The following CAMK2D variants were observed in gnomAD, a reference collection of about 807,000 sequenced individuals.
CAMK2D encodes the protein calcium/calmodulin-dependent protein kinase type II subunit delta.
CAMK2D carries 37 observed loss-of-function variants against 84.0 expected under a neutral mutation model. The observed-to-expected ratio is 0.44, with a 90% CI of 0.34 to 0.58. The LOEUF (loss-of-function observed/expected upper bound fraction) is 0.58, where lower values mean the gene tolerates loss of function less well. Ranked by LOEUF, CAMK2D falls within the 20% of genes least tolerant of loss-of-function variation. CAMK2D has a pLI of 0.02. For synonymous variants in CAMK2D, 202 were observed against 212.5 expected, an observed-to-expected ratio of 0.95 and a Z score of 0.43; for missense variants, 448 against 652.5, an observed-to-expected ratio of 0.69 and a Z score of 3.41.
At chr4:113,760,502 T>C (rs963137382) in intron 1 of CAMK2D, among the ~76,000 whole-genome samples, 1 of 152,174 alleles carries the variant, frequency 6.6e-6, no homozygotes, top group Non-Finnish European at 1.5e-5. Flanking sequence ...CTATGCCAAG[T>C]TGAACTTTCG....
intron 3 of CAMK2D, among the ~76,000 whole-genome samples, chr4:113,630,292 G>A (rs1010290791): frequency 1.3e-5 from 2 of 152,092 alleles, no homozygotes; most frequent in African/African-American, 2.4e-5. Flanking sequence ...GCATGTTTAT[G>A]GCTAGTTTTC....
intron 18 of CAMK2D, among the ~76,000 whole-genome samples, chr4:113,459,250 G>A (rs1253368876): frequency 6.6e-6 from 1 of 151,904 alleles, no homozygotes; most frequent in Admixed American, 6.6e-5. Flanking sequence ...ACAGGGTCTC[G>A]TTCTGTCACC....
chr4:113,709,783 G>GT (rs1554070871), intron 2 of CAMK2D, among the ~76,000 whole-genome samples: 1 of 40,890 alleles, frequency 2.4e-5, no homozygotes, highest in African/African-American at 1.4e-4. Flanking sequence ...ATATATATAT[G>GT]AGAGACTTCA....
At chr4:113,578,284 T>C (rs1034844824) in intron 4 of CAMK2D, among the ~76,000 whole-genome samples, 1 of 152,148 alleles carries the variant, frequency 6.6e-6, no homozygotes, top group Non-Finnish European at 1.5e-5. Context: ...TAATTCTTGT[T>C]GGCCAGAAGA....
At chr4:113,690,013 T>C (rs1468163590) in intron 2 of CAMK2D, among the ~76,000 whole-genome samples, 1 of 152,138 alleles carries the variant, frequency 6.6e-6, no homozygotes, top group Non-Finnish European at 1.5e-5. Context: ...TAAGTTTGAA[T>C]ACCACCAATA....
intron 2 of CAMK2D, among the ~76,000 whole-genome samples, chr4:113,733,650 A>G (rs2099574288): frequency 6.6e-6 from 1 of 152,218 alleles, no homozygotes. Context: ...TTGTAAAAGC[A>G]GAGCTATGAA....
At position 113,499,948 on chromosome 4, in the gene CAMK2D, G is replaced by A. The variant is rs560005463; in HGVS notation, c.1135+515C>T. 5.6e-4 allele frequency among the ~76,000 whole-genome samples: 85 copies of A among 152,246 alleles called. 3 individuals carry two copies. The highest frequency in any genetic ancestry group is 1.9e-3 in the African/African-American group (77 of 41,564). On this transcript the variant is annotated intron_variant, in intron 16 of 20. Transcript: ENST00000511664. ...AGCTAAAAGAACCTTGGCAACCAAA[G>A]TGAATGGAGGTCAAGAATACCTTTG...
At chr4:113,615,668 T>C (rs972710939) in intron 3 of CAMK2D, among the ~76,000 whole-genome samples, 17 of 152,150 alleles carry the variant, frequency 1.1e-4, no homozygotes, top group Admixed American at 1.0e-3. Context: ...AGAAAAAATA[T>C]ATGCTGTTTT....
intron 3 of CAMK2D, among the ~76,000 whole-genome samples, chr4:113,648,927 A>T (rs931470277): frequency 6.6e-5 from 10 of 152,216 alleles, no homozygotes; most frequent in Admixed American, 5.2e-4. Context: ...TCCTTAAAAA[A>T]ATAATGTTTT....
At chr4:113,603,341 T>A (rs889200951) in intron 4 of CAMK2D, among the ~76,000 whole-genome samples, 1 of 147,258 alleles carries the variant, frequency 6.8e-6, no homozygotes, top group Non-Finnish European at 1.5e-5. Flanking sequence ...TAGGTATATC[T>A]CCTAAAGCTA....
chr4:113,637,452 G>A (rs1330512569), intron 3 of CAMK2D, among the ~76,000 whole-genome samples: 1 of 152,202 alleles, frequency 6.6e-6, no homozygotes, highest in East Asian at 1.9e-4. Flanking sequence ...TTGAGTGAGT[G>A]AGTCTAAGAG....
At chr4:113,688,178 A>C (rs1013449782) in intron 2 of CAMK2D, among the ~76,000 whole-genome samples, 6 of 152,180 alleles carry the variant, frequency 3.9e-5, no homozygotes, top group Non-Finnish European at 8.8e-5. Flanking sequence ...TTGCCATCCA[A>C]AAGCAGCATG....
chr4:113,673,574 C>T (rs1039141307), intron 2 of CAMK2D, among the ~76,000 whole-genome samples: 8 of 152,190 alleles, frequency 5.3e-5, no homozygotes, highest in Non-Finnish European at 1.2e-4. Flanking sequence ...AGGATTTATC[C>T]GAAGAGAGAG....
chr4:113,549,946 C>A (rs568135876), intron 5 of CAMK2D, among the ~76,000 whole-genome samples: 1 of 152,030 alleles, frequency 6.6e-6, no homozygotes, highest in East Asian at 1.9e-4. Context: ...TATTTTTAAA[C>A]CATAGGAATC....
chr4:113,518,128 A>C (rs1342112217), intron 8 of CAMK2D, among the ~76,000 whole-genome samples: 1 of 152,140 alleles, frequency 6.6e-6, no homozygotes, highest in African/African-American at 2.4e-5. Context: ...CACGTTCTAA[A>C]TAACCATAGT....
At chr4:113,742,863 T>C (rs2099596127) in intron 2 of CAMK2D, among the ~76,000 whole-genome samples, 1 of 152,232 alleles carries the variant, frequency 6.6e-6, no homozygotes, top group Admixed American at 6.5e-5. Flanking sequence ...TACCTATTTC[T>C]GATCTATGAT....
chr4:113,569,445 A>G (rs1024470235), intron 4 of CAMK2D, among the ~76,000 whole-genome samples: 2 of 152,200 alleles, frequency 1.3e-5, no homozygotes, highest in African/African-American at 4.8e-5. Context: ...TAAATTTTGC[A>G]TGGGATATCC....
chr4:113,554,506 CTG>C (rs913907362), intron 4 of CAMK2D, among the ~76,000 whole-genome samples: 1 of 152,084 alleles, frequency 6.6e-6, no homozygotes, highest in Non-Finnish European at 1.5e-5. Context: ...ATGTAGTTAA[CTG>C]TGTCTGACAA....
At chr4:113,749,213 A>T (rs554794618) in intron 2 of CAMK2D, among the ~76,000 whole-genome samples, 1 of 151,948 alleles carries the variant, frequency 6.6e-6, no homozygotes, top group Non-Finnish European at 1.5e-5. Flanking sequence ...TATGTCTCTA[A>T]TTTAGTATAT....
Sources: allele counts gnomAD v4.1 joint callset (sites outside exome capture counted in the v4.1 genomes callset), GRCh38; gene constraint gnomAD v4.1.1; transcripts MANE v1.5; gene names NCBI Gene and HGNC (gene_info 2026-07-23, HGNC 2026-07-21).